The following CFAP43 variants were observed in gnomAD, a reference collection of about 807,000 sequenced individuals.
CFAP43 encodes cilia and flagella associated protein 43, also known as cilia- and flagella-associated protein 43.
In CFAP43, 155 loss-of-function variants were observed where a neutral mutation model predicts 218.9. The observed-to-expected ratio is 0.71, with a 90% CI of 0.62 to 0.81. The LOEUF is 0.81. CFAP43 is among the 30% of genes least tolerant of loss of function. CFAP43 has a pLI of 0.00. For missense variants in CFAP43, 1,778 were observed against 1,954.3 expected, an observed-to-expected ratio of 0.91 and a Z score of 1.70; for synonymous variants, 645 against 681.3, an observed-to-expected ratio of 0.95 and a Z score of 0.83.
In CFAP43 at chr10:104,142,293, T is replaced by C. The variant is rs765983652; in HGVS notation, c.4259A>G (p.His1420Arg). The C allele has an allele frequency of 1.2e-6, 2 of 1,612,880 alleles. No individual in the cohort carries two copies. Among genetic ancestry groups the C allele is most frequent in the Non-Finnish European group, 1.7e-6 (2 of 1,179,488 alleles). Residue 1420 changes from histidine (H) to arginine (R), a missense_variant, in exon 33 of 38, where the codon CAT becomes CGT. Coordinates refer to ENST00000357060, the MANE Select transcript of CFAP43 (RefSeq NM_025145.7). Reference sequence around the variant, plus strand: ...AGCTTCAAATTACAGGATGAGTTCATGGAACACTCTCTCAATCTCCTGTTG... The same window carrying C: ...AGCTTCAAATTACAGGATGAGTTCACGGAACACTCTCTCAATCTCCTGTTG... ...KVQQEIERVF[H>R]ELILLQEEKV...
At position 104,193,917 on chromosome 10, in the gene CFAP43, G is replaced by A. The variant is rs2090308351; in HGVS notation, c.1391C>T (p.Pro464Leu). ...GAGAAAGGCCTTGTGCACGACCTGA[G>A]GGGATTCCTTATCATATACGCTGAT... Reference protein sequence around the residue: ...YFISVYDKESPQVVHKAFLSE... With the variant: ...YFISVYDKESLQVVHKAFLSE... Residue 464 changes from proline to leucine, a missense_variant, in exon 11 of 38, where the codon CCT becomes CTT. Coordinates refer to ENST00000357060, the MANE Select transcript of CFAP43 (RefSeq NM_025145.7). 15 of 1,614,130 alleles carry A rather than the reference G, an allele frequency of 9.3e-6. No homozygotes were observed. The highest frequency in any genetic ancestry group is 1.3e-5 in the Non-Finnish European group (15 of 1,180,016).
At chr10:104,144,924 T>C (rs2087886740) in intron 31 of CFAP43, among the ~76,000 whole-genome samples, 1 of 152,248 alleles carries the variant, frequency 6.6e-6, no homozygotes, top group Non-Finnish European at 1.5e-5. Context: ...TGAGATACTC[T>C]GAGGAAAAGC....
intron 27 of CFAP43, among the ~76,000 whole-genome samples, chr10:104,155,871 G>A (rs1375325440): frequency 6.6e-6 from 1 of 151,824 alleles, no homozygotes; most frequent in African/African-American, 2.4e-5. Flanking sequence ...CAGTTAATGA[G>A]GGAAAGAATG....
intron 26 of CFAP43, among the ~76,000 whole-genome samples, 165 bp from the exon 27 acceptor site, chr10:104,161,327 A>G (rs605712): frequency 0.28 from 42,377 of 152,100 alleles, 8,469 homozygotes; most frequent in African/African-American, 0.58. Context: ...AAAATTTTAC[A>G]ACAGTTCTTC....
chr10:104,198,318 T>C (rs963030683), intron 8 of CFAP43, among the ~76,000 whole-genome samples: 1 of 152,240 alleles, frequency 6.6e-6, no homozygotes. Context: ...GTCTTGCTAT[T>C]GTTGCCCAGG....
Position 104,168,822 on chromosome 10 carries a change from G to T in CFAP43, c.2613C>A (p.Asn871Lys). 1 of 1,613,572 alleles carries T rather than the reference G, an allele frequency of 6.2e-7. No individual in the cohort carries two copies. Among genetic ancestry groups the T allele is most frequent in the African/African-American group, 1.3e-5 (1 of 75,030 alleles). The change falls in exon 21 of 38, where the codon AAC (asparagine) becomes AAA (lysine). Residue 871 changes from asparagine to lysine, a missense_variant. This residue lies in a region of CFAP43 where 1,553 missense variants were observed against 1,685.2 expected (regional missense o/e 0.92). Transcript: ENST00000357060. ...GTTCAGCCAAATAGCTCTTGGCTAA[G>T]TTATGCATCTCTACATCCTTTATCA... Reference protein sequence around the residue: ...AKMIKDVEMHNLAKSYLAELI... With the variant: ...AKMIKDVEMHKLAKSYLAELI...
chr10:104,152,395 AT>A (rs1324929114), intron 28 of CFAP43, among the ~76,000 whole-genome samples: 6 of 152,250 alleles, frequency 3.9e-5, no homozygotes, highest in Non-Finnish European at 7.4e-5. Context: ...TGGCAGAGGC[AT>A]GAGGAGGGAG....
At chr10:104,179,800 C>A in intron 18 of CFAP43, 40 bp downstream of exon 18, 1 of 1,459,092 alleles carries the variant, frequency 6.9e-7, no homozygotes, top group Non-Finnish European at 9.6e-7. Flanking sequence ...GGTGCATCTA[C>A]AGAGCACTAT....
At chr10:104,153,891 A>G (rs750797263) in intron 27 of CFAP43, among the ~76,000 whole-genome samples, 3 of 149,148 alleles carry the variant, frequency 2.0e-5, no homozygotes, top group Non-Finnish European at 4.4e-5. Context: ...AGGACAGGCC[A>G]CTTATTTTGT....
At position 104,207,677 on chromosome 10, in the gene CFAP43, C is replaced by G. The variant is rs186169593; in HGVS notation, c.883G>C (p.Glu295Gln). The G allele has an allele frequency of 1.0e-4, 162 of 1,612,804 alleles. No homozygotes were observed. Among genetic ancestry groups the G allele is most frequent in the Non-Finnish European group, 1.2e-4 (147 of 1,179,514 alleles). The change falls in exon 6 of 38, where the codon GAA becomes CAA. Residue 295 changes from glutamate (E) to glutamine (Q), a missense_variant. Coordinates refer to ENST00000357060, the MANE Select transcript of CFAP43 (RefSeq NM_025145.7). ...QVTVLNKIEE[E>Q]SPLDRRNFIS... ...GACAGTTTCTTACCCAATGGCGATT[C>G]CTCTTCTATCTTATTAAGTACAGTC...
At position 104,214,377 on chromosome 10, in the gene CFAP43, C is replaced by A. The variant is rs1432664586; in HGVS notation, c.466G>T (p.Asp156Tyr). Reference protein sequence around the residue: ...ILCKKSQPGMDVNQMSFNPMN... With the variant: ...ILCKKSQPGMYVNQMSFNPMN... ...GGGTTAAAAGACATTTGGTTCACATCCATTCCAGGCTGTGATTTCTTACAC... is the reference window on the plus strand; with the variant it reads ...GGGTTAAAAGACATTTGGTTCACATACATTCCAGGCTGTGATTTCTTACAC... The change falls in exon 4 of 38, where the codon GAT becomes TAT. Residue 156 changes from aspartate (D) to tyrosine (Y), a missense_variant. Asp to Tyr is a radical substitution (Grantham distance 160). This residue lies in a region of CFAP43 where 1,553 missense variants were observed against 1,685.2 expected (regional missense o/e 0.92). Transcript: ENST00000357060. 6.2e-7 allele frequency: 1 copy of A among 1,607,172 alleles called. No homozygotes were observed. The highest frequency in any genetic ancestry group is 1.3e-5 in the African/African-American group (1 of 74,768).
rs2089222855 is a variant in CFAP43, at chr10:104,167,613, A to G, written c.2808+8T>C. 8 of 1,589,330 alleles carry G rather than the reference A, an allele frequency of 5.0e-6. No homozygotes were observed. Among genetic ancestry groups the G allele is most frequent in the Non-Finnish European group, 6.0e-6 (7 of 1,170,144 alleles). ...CTTATATAAACACATGTATATTTAA[A>G]ATAGTACTTTAAGACACTCTGCTTC... On this transcript the variant is annotated splice_region_variant and intron_variant, in intron 22 of 37. Coordinates refer to ENST00000357060, the MANE Select transcript of CFAP43 (RefSeq NM_025145.7).
intron 20 of CFAP43, among the ~76,000 whole-genome samples, 194 bp downstream of exon 20, chr10:104,172,216 T>C (rs1032296893): frequency 6.6e-6 from 1 of 152,222 alleles, no homozygotes; most frequent in African/African-American, 2.4e-5. Context: ...GGCCTAGATG[T>C]TCTCCCTGCT....
chr10:104,143,044 ATAT>A (rs1468880903), intron 32 of CFAP43, among the ~76,000 whole-genome samples: 3 of 152,238 alleles, frequency 2.0e-5, no homozygotes, highest in Non-Finnish European at 4.4e-5. Flanking sequence ...TGTATCCAGA[ATAT>A]TATCACTTCA....
intron 34 of CFAP43, among the ~76,000 whole-genome samples, chr10:104,136,434 C>T (rs1304331120): frequency 2.0e-5 from 3 of 151,528 alleles, no homozygotes; most frequent in Non-Finnish European, 4.4e-5. Flanking sequence ...GCAGTGGCGC[C>T]ATCTCGCCTC....
At chr10:104,227,751 A>G (rs1212433233) in intron 2 of CFAP43, among the ~76,000 whole-genome samples, 1 of 147,574 alleles carries the variant, frequency 6.8e-6, no homozygotes, top group East Asian at 2.0e-4. Context: ...ACAATCAAAT[A>G]TGTCTGTCTT....
intron 7 of CFAP43, 130 bp from the exon 8 acceptor site, chr10:104,203,933 G>T: frequency 1.3e-6 from 1 of 752,880 alleles, no homozygotes; most frequent in Non-Finnish European, 1.9e-6. Flanking sequence ...TGTTTGCATA[G>T]ATGCACTGTC....
At chr10:104,200,948 C>T (rs1210847552) in intron 8 of CFAP43, among the ~76,000 whole-genome samples, 1 of 152,134 alleles carries the variant, frequency 6.6e-6, no homozygotes, top group Non-Finnish European at 1.5e-5. Context: ...GGCTTTTTCT[C>T]AGAATGACAG....
At chr10:104,173,320 T>A (rs1321367342) in intron 19 of CFAP43, among the ~76,000 whole-genome samples, 1 of 152,078 alleles carries the variant, frequency 6.6e-6, no homozygotes, top group East Asian at 1.9e-4. Context: ...TTCAGGAGCA[T>A]GAAAACTATA....
Sources: allele counts gnomAD v4.1 joint callset (sites outside exome capture counted in the v4.1 genomes callset), GRCh38; gene constraint gnomAD v4.1.1; regional missense constraint gnomAD v4.1.1; transcripts MANE v1.5; gene names NCBI Gene and HGNC (gene_info 2026-07-23, HGNC 2026-07-21).